The following FAM53B variants were observed in gnomAD, a reference collection of about 807,000 sequenced individuals.
The protein encoded by FAM53B is protein FAM53B.
In FAM53B, 12 loss-of-function variants were observed where a neutral mutation model predicts 32.7. That is an observed-to-expected ratio of 0.37 (90% CI 0.24 to 0.59). The LOEUF (loss-of-function observed/expected upper bound fraction) is 0.59. Among genes scored for constraint, FAM53B ranks in the 20% least tolerant of loss-of-function variants. FAM53B has a pLI of 0.72. For synonymous variants in FAM53B, 234 were observed against 228.7 expected (o/e 1.02, Z -0.21); for missense variants, 477 against 577.7 (o/e 0.83, Z 1.79).
chr10:124,682,422 C>CT lies in FAM53B; in HGVS notation c.134-44dup, dbSNP rs1174287581. ...AGGAGAAAACAGGATTTGAGAAGAC[C>CT]TTCACTCCAGCCCTTTATTATCTCC... On this transcript the variant is annotated intron_variant, in intron 3 of 4. Transcript: ENST00000337318. This position sits in a 1 kb window ranked among gnomAD's most constrained non-coding sequence, Gnocchi z 5.2. The CT allele has an allele frequency of 2.0e-6, 3 of 1,528,404 alleles. No homozygotes were observed. The Admixed American group carries it at 5.4e-5, about 27-fold the overall frequency. The allele number at this position is 1,528,404 out of a possible 1,614,324, so 94.7% of individuals were successfully genotyped here.
intron 4 of FAM53B, among the ~76,000 whole-genome samples, chr10:124,627,686 G>A (rs1263819343): frequency 6.6e-6 from 1 of 152,168 alleles, no homozygotes; most frequent in Non-Finnish European, 1.5e-5. Context: ...CTGCTAGAGA[G>A]GCAACTTTGG....
intron 1 of FAM53B, among the ~76,000 whole-genome samples, chr10:124,728,427 C>T (rs2134099998): frequency 6.6e-6 from 1 of 152,332 alleles, no homozygotes; most frequent in Admixed American, 6.5e-5. Flanking sequence ...GGAGAGCTCC[C>T]TTCTGGCCTC....
intron 1 of FAM53B, among the ~76,000 whole-genome samples, chr10:124,738,375 C>T (rs566423353): frequency 1.6e-3 from 237 of 150,788 alleles, no homozygotes; most frequent in African/African-American, 5.4e-3. Context: ...TTTTTTTTTC[C>T]AACCTTCCCA....
In FAM53B at chr10:124,681,649, C is replaced by T. The variant is rs757170491; in HGVS notation, c.864G>A (p.Val288=). The T allele has an allele frequency of 5.6e-6, 9 of 1,611,792 alleles. No individual in the cohort carries two copies. The African/African-American group carries it at 9.3e-5, about 17-fold the overall frequency. Residue 288 remains valine, a synonymous_variant, in exon 4 of 5, where the codon GTG becomes GTA. Coordinates refer to ENST00000337318, the MANE Select transcript of FAM53B (RefSeq NM_014661.4). ...GGTCTAGAGAAGGCCTCTGCTCTTGCACTTCTTCAGGGCGCCGCCTTTTAA... is the reference window on the plus strand; with the variant it reads ...GGTCTAGAGAAGGCCTCTGCTCTTGTACTTCTTCAGGGCGCCGCCTTTTAA... The part of the protein sequence containing the change: ...VGVKRRRPEE[V]QEQRPSLDLA...
intron 4 of FAM53B, among the ~76,000 whole-genome samples, chr10:124,650,895 C>G (rs776727719): frequency 2.6e-5 from 4 of 152,122 alleles, no homozygotes; most frequent in Non-Finnish European, 5.9e-5. Context: ...TCTGAAACCC[C>G]CCTCTTGCCT....
At chr10:124,694,970 G>A (rs943591099) in intron 3 of FAM53B, among the ~76,000 whole-genome samples, 1 of 152,200 alleles carries the variant, frequency 6.6e-6, no homozygotes, top group Non-Finnish European at 1.5e-5. Flanking sequence ...CACCTCACTA[G>A]ACCTCAGTTC....
intron 4 of FAM53B, among the ~76,000 whole-genome samples, chr10:124,632,731 C>T (rs1949399639): frequency 6.6e-6 from 1 of 152,246 alleles, no homozygotes; most frequent in Non-Finnish European, 1.5e-5. Context: ...CTGGTTTAGC[C>T]ACTCTTGCAG....
chr10:124,674,177 CCTT>C (rs1181008214), intron 4 of FAM53B, among the ~76,000 whole-genome samples: 1 of 152,216 alleles, frequency 6.6e-6, no homozygotes, highest in Non-Finnish European at 1.5e-5. Context: ...TCAGGTGAGG[CCTT>C]CTTCTGGGGA....
intron 1 of FAM53B, among the ~76,000 whole-genome samples, chr10:124,743,317 C>A (rs1950211088): frequency 6.6e-6 from 1 of 152,222 alleles, no homozygotes; most frequent in Non-Finnish European, 1.5e-5. Flanking sequence ...AAATGTGACT[C>A]GACCAGTGTG....
intron 1 of FAM53B, among the ~76,000 whole-genome samples, chr10:124,743,209 C>T (rs1292702888): frequency 6.6e-6 from 1 of 152,200 alleles, no homozygotes; most frequent in East Asian, 1.9e-4. Context: ...AAACCCTCCC[C>T]GGATTCTGGG....
intron 1 of FAM53B, among the ~76,000 whole-genome samples, chr10:124,708,929 G>A (rs1281201070): frequency 1.3e-5 from 2 of 152,244 alleles, no homozygotes; most frequent in African/African-American, 4.8e-5. Context: ...AGTGGCCTTT[G>A]CCAAGTTACT....
chr10:124,670,858 GGCCCT>G (rs1204985230), intron 4 of FAM53B, among the ~76,000 whole-genome samples: 3 of 152,288 alleles, frequency 2.0e-5, no homozygotes, highest in East Asian at 3.9e-4. Flanking sequence ...CATCAGAAAG[GGCCCT>G]GCCTGCCTGT....
intron 4 of FAM53B, among the ~76,000 whole-genome samples, chr10:124,667,661 C>T (rs761023520): frequency 1.6e-4 from 24 of 152,160 alleles, no homozygotes; most frequent in Non-Finnish European, 3.1e-4. Flanking sequence ...GCCTCCCAGC[C>T]CCGCCCGGGG....
chr10:124,655,519 C>T (rs1379044757), intron 4 of FAM53B, among the ~76,000 whole-genome samples: 1 of 152,058 alleles, frequency 6.6e-6, no homozygotes, highest in Non-Finnish European at 1.5e-5. Context: ...GGAAGAGCTG[C>T]CCAGCACTGG....
intron 4 of FAM53B, among the ~76,000 whole-genome samples, chr10:124,643,548 CG>C (rs979628228): frequency 4.6e-5 from 7 of 152,320 alleles, no homozygotes; most frequent in South Asian, 4.1e-4. Flanking sequence ...GGAGGGCCAG[CG>C]GGGGGGTGCA....
Position 124,623,147 on chromosome 10 carries a change from CCA to C in FAM53B, c.*93_*94del, listed in dbSNP as rs1949322509. The C allele has an allele frequency of 1.4e-6, 2 of 1,450,054 alleles. No homozygotes were observed. The highest frequency in any genetic ancestry group is 1.8e-6 in the Non-Finnish European group (2 of 1,084,290). 89.8% of individuals were successfully genotyped at this position (1,450,054 alleles called of 1,614,324 possible). ...ACCACTCAGGAAGCTTTCATCAGGC[CCA>C]CGAGTTGGGCTCCCCTTCAAGGGCC... On this transcript the variant is annotated 3_prime_UTR_variant, in exon 5 of 5. Transcript: ENST00000337318.
At chr10:124,715,243 G>T (rs1950031895) in intron 1 of FAM53B, among the ~76,000 whole-genome samples, 1 of 152,202 alleles carries the variant, frequency 6.6e-6, no homozygotes, top group Non-Finnish European at 1.5e-5. Context: ...GGTATTAGGG[G>T]TTCCACTGTA....
At chr10:124,636,823 G>A (rs530076101) in intron 4 of FAM53B, among the ~76,000 whole-genome samples, 1 of 151,976 alleles carries the variant, frequency 6.6e-6, no homozygotes, top group South Asian at 2.1e-4. Flanking sequence ...GGTGTCTGCA[G>A]TTCTGATGTC....
intron 4 of FAM53B, among the ~76,000 whole-genome samples, chr10:124,641,743 C>A (rs188107487): frequency 3.3e-5 from 5 of 152,320 alleles, no homozygotes; most frequent in African/African-American, 1.2e-4. Context: ...AGGAGAGGAG[C>A]CCCTTCTTGA....
Sources: allele counts gnomAD v4.1 joint callset (sites outside exome capture counted in the v4.1 genomes callset), GRCh38; gene constraint gnomAD v4.1.1; non-coding constraint Gnocchi (gnomAD v3.1); transcripts MANE v1.5; gene names NCBI Gene and HGNC (gene_info 2026-07-23, HGNC 2026-07-21).